Variants in EFCAB5 observed in about 807,000 individuals in gnomAD.
EFCAB5 encodes EF-hand calcium-binding domain-containing protein 5.
In EFCAB5, 131 loss-of-function variants were observed where a neutral mutation model predicts 167.9. The ratio of observed to expected loss-of-function variants is 0.78; its 90% CI spans 0.68 to 0.90. The LOEUF is 0.90. EFCAB5 is among the 40% of genes least tolerant of loss of function. The pLI is 0.00. For synonymous variants in EFCAB5, 574 were observed against 602.8 expected (o/e 0.95, Z 0.70); for missense variants, 1,663 against 1,745.2 (o/e 0.95, Z 0.84).
intron 3 of EFCAB5, among the ~76,000 whole-genome samples, chr17:29,948,256 T>C (rs2067443843): frequency 6.6e-6 from 1 of 152,186 alleles, no homozygotes; most frequent in South Asian, 2.1e-4. Context: ...ACATATGTAT[T>C]CCATCAGGTA....
At chr17:30,021,955 A>G (rs1234892732) in intron 7 of EFCAB5, among the ~76,000 whole-genome samples, 1 of 152,180 alleles carries the variant, frequency 6.6e-6, no homozygotes, top group Admixed American at 6.6e-5. Context: ...GAGCAATGTA[A>G]TTAGTACTCA....
intron 7 of EFCAB5, among the ~76,000 whole-genome samples, chr17:30,023,699 G>A (rs1314813655): frequency 6.6e-6 from 1 of 152,116 alleles, no homozygotes; most frequent in Admixed American, 6.6e-5. Context: ...GCATCATCCT[G>A]ATACCAAAGC....
At chr17:30,017,386 T>A (rs1198764320) in intron 7 of EFCAB5, among the ~76,000 whole-genome samples, 2 of 152,200 alleles carry the variant, frequency 1.3e-5, no homozygotes, top group Non-Finnish European at 2.9e-5. Context: ...TGAGAATTTT[T>A]AAATCATCAT....
Position 29,969,153 on chromosome 17 carries a change from G to A in EFCAB5, c.553G>A (p.Gly185Arg). The change falls in exon 4 of 23, where the codon GGA becomes AGA. Residue 185 changes from glycine to arginine, a missense_variant. Transcript: ENST00000394835. ...LDKLLPTLVP[G>R]VENMLTQVEK... Reference sequence around the variant, plus strand: ...CAAACTTCTACCCACCTTAGTTCCTGGAGTAGAAAACATGTTAACTCAAGT... The same window carrying A: ...CAAACTTCTACCCACCTTAGTTCCTAGAGTAGAAAACATGTTAACTCAAGT... 6.2e-7 allele frequency: 1 copy of A among 1,613,774 alleles called. No individual in the cohort carries two copies. The highest frequency in any genetic ancestry group is 1.3e-5 in the African/African-American group (1 of 74,988).
At chr17:29,929,948 G>A (rs753825036) in intron 1 of EFCAB5, 1 of 1,602,434 alleles carries the variant, frequency 6.2e-7, no homozygotes, top group Non-Finnish European at 8.5e-7. Context: ...CGAGGCGCAG[G>A]GGCTGGAGGT....
At chr17:30,089,485 GA>G (rs1293437243) in intron 19 of EFCAB5, among the ~76,000 whole-genome samples, 2 of 152,042 alleles carry the variant, frequency 1.3e-5, no homozygotes, top group Non-Finnish European at 2.9e-5. Context: ...AATTAATGTA[GA>G]TGGGGAAAGG....
intron 7 of EFCAB5, among the ~76,000 whole-genome samples, chr17:30,033,082 CTT>C (rs555568745): frequency 6.2e-5 from 9 of 144,772 alleles, no homozygotes; most frequent in Admixed American, 6.9e-5. Context: ...TGAGCTCACA[CTT>C]TTTTTTTTTT....
At chr17:30,081,368 T>C (rs2070985405) in intron 17 of EFCAB5, among the ~76,000 whole-genome samples, 1 of 152,214 alleles carries the variant, frequency 6.6e-6, no homozygotes, top group Admixed American at 6.5e-5. Context: ...TTTCTACAAA[T>C]GGTACTAATT....
chr17:29,972,360 T>A (rs2067975078), intron 4 of EFCAB5, among the ~76,000 whole-genome samples: 1 of 152,158 alleles, frequency 6.6e-6, no homozygotes, highest in Non-Finnish European at 1.5e-5. Context: ...AGGCATTTTT[T>A]AAATGGATTC....
chr17:30,038,348 C>T lies in EFCAB5; in HGVS notation c.1200+3963C>T, dbSNP rs114737310. Among the ~76,000 whole-genome samples, 1,085 of 152,272 alleles carry T rather than the reference C, an allele frequency of 7.1e-3. 15 individuals are homozygous for T. Among genetic ancestry groups the T allele is most frequent in the African/African-American group, 0.022 (931 of 41,544 alleles). On this transcript the variant is annotated intron_variant, in intron 8 of 22. Transcript: ENST00000394835. ...TGCTCTATAAAGGAAACAGCAAAGC[C>T]TAGATAACAGTAGATATGTTTGTGG... is the stretch of plus-strand genomic sequence containing the variant.
At chr17:29,937,671 G>A (rs2067256949), upstream of EFCAB5, among the ~76,000 whole-genome samples, 1 of 152,168 alleles carries the variant, frequency 6.6e-6, no homozygotes, top group African/African-American at 2.4e-5. Context: ...CAGAGTCAGA[G>A]AAAGGATATA....
At chr17:30,030,888 C>T (rs2069463659) in intron 7 of EFCAB5, among the ~76,000 whole-genome samples, 1 of 152,136 alleles carries the variant, frequency 6.6e-6, no homozygotes, top group African/African-American at 2.4e-5. Flanking sequence ...CTCTTGGCCT[C>T]AAGTGATCCT....
intron 8 of EFCAB5, among the ~76,000 whole-genome samples, chr17:30,050,479 C>G (rs763494617): frequency 3.7e-4 from 57 of 152,116 alleles, no homozygotes; most frequent in Non-Finnish European, 7.8e-4. Context: ...AGGTCTTGCT[C>G]TGTCAGCCAG....
chr17:30,097,330 C>T (rs1400091008), intron 22 of EFCAB5, among the ~76,000 whole-genome samples: 2 of 152,168 alleles, frequency 1.3e-5, no homozygotes, highest in Non-Finnish European at 2.9e-5. Flanking sequence ...GCTGGGATTA[C>T]AGGCGTGAGC....
intron 8 of EFCAB5, among the ~76,000 whole-genome samples, chr17:30,041,531 C>T (rs576144496): frequency 5.3e-5 from 8 of 152,248 alleles, no homozygotes; most frequent in South Asian, 2.1e-4. Flanking sequence ...AATTTACCCC[C>T]GGTGAAGACA....
intron 3 of EFCAB5, among the ~76,000 whole-genome samples, chr17:29,954,282 G>A (rs1024293527): frequency 5.9e-5 from 9 of 152,122 alleles, no homozygotes; most frequent in African/African-American, 2.2e-4. Context: ...GACCTTCATG[G>A]CAGCCTCTCC....
At chr17:30,069,277 A>G (rs932613355) in intron 14 of EFCAB5, 7 of 1,493,652 alleles carry the variant, frequency 4.7e-6, no homozygotes, top group African/African-American at 2.8e-5. Context: ...AATTGGGAAC[A>G]TGGGGAGATG....
Position 30,056,038 on chromosome 17 carries a change from C to T in EFCAB5, c.2273-26C>T, listed in dbSNP as rs566648291. The T allele has an allele frequency of 2.6e-5, 42 of 1,612,608 alleles. No homozygotes were observed. The African/African-American group carries it at 5.5e-4, about 21-fold the overall frequency. Reference sequence around the variant, plus strand: ...TATTGTGAAAGCGAAGTTTGATTGGCTATGTTATGGAATGTGTTTTTACAG... The same window carrying T: ...TATTGTGAAAGCGAAGTTTGATTGGTTATGTTATGGAATGTGTTTTTACAG... On this transcript the variant is annotated intron_variant, in intron 11 of 22. Transcript: ENST00000394835.
chr17:29,973,973 C>A (rs1489482014), intron 4 of EFCAB5, among the ~76,000 whole-genome samples: 1 of 151,480 alleles, frequency 6.6e-6, no homozygotes, highest in Non-Finnish European at 1.5e-5. Flanking sequence ...CCCTGGCCAA[C>A]ATGGTGAAAC....
Sources: gnomAD v4.1 joint callset for allele counts (sites outside exome capture counted in the v4.1 genomes callset) on GRCh38, gnomAD v4.1.1 for gene constraint, MANE v1.5 for transcripts, NCBI Gene and HGNC (gene_info 2026-07-23, HGNC 2026-07-21) for gene names.